UGGT2: variants seen among roughly 807,000 people sequenced by gnomAD.
UGGT2 encodes UDP-glucose:glycoprotein glucosyltransferase 2.
In UGGT2, 180 loss-of-function variants were observed where a neutral mutation model predicts 192.1. That is an observed-to-expected ratio of 0.94 (90% CI 0.83 to 1.06). UGGT2 has a LOEUF of 1.06. UGGT2 is among the 50% of genes least tolerant of loss of function. The pLI, the probability that UGGT2 is intolerant of heterozygous loss-of-function variation, is 0.00. For synonymous variants in UGGT2, 580 were observed against 591.0 expected, an observed-to-expected ratio of 0.98 and a Z score of 0.27; for missense variants, 1,849 against 1,795.7, an observed-to-expected ratio of 1.03 and a Z score of -0.54.
At chr13:95,947,321 T>A (rs1465601825) in intron 14 of UGGT2, 149 bp from the exon 15 acceptor site, 19 of 785,618 alleles carry the variant, frequency 2.4e-5, no homozygotes, top group Non-Finnish European at 3.4e-5. Context: ...TTCAAAAGTT[T>A]GAATGTAATG....
chr13:95,846,038 G>A (rs1406752809), intron 36 of UGGT2, among the ~76,000 whole-genome samples: 2 of 152,184 alleles, frequency 1.3e-5, no homozygotes, highest in Non-Finnish European at 2.9e-5. Context: ...CCAGGCAGAG[G>A]CTGCAATCTC....
rs201552913 is a variant in UGGT2 at position 96,013,403 on chromosome 13, G to A, written c.564C>T (p.Ala188=). The change falls in exon 5 of 39, where the codon GCC becomes GCT. Residue 188 remains alanine, a synonymous_variant. Coordinates refer to ENST00000376747, the MANE Select transcript of UGGT2 (RefSeq NM_020121.4). ...CACTAAATGTTCTAGTACCCATTTC[G>A]GCATAGAGAATCACCACTGGTAAGT... ...KENLPVVILY[A]EMGTRTFSAF... is the part of the protein sequence containing the mutation. 29 of 1,606,996 alleles carry A rather than the reference G, an allele frequency of 1.8e-5. No homozygotes were observed. In the South Asian group the frequency reaches 2.2e-4, roughly 12 times the overall value.
At chr13:95,831,381 C>T (rs1443783912) in intron 38 of UGGT2, among the ~76,000 whole-genome samples, 9 of 152,136 alleles carry the variant, frequency 5.9e-5, no homozygotes, top group South Asian at 2.1e-4. Flanking sequence ...TTAATGGAAA[C>T]GAGATCAATT....
chr13:95,883,959 T>C (rs2047567006), intron 27 of UGGT2, among the ~76,000 whole-genome samples: 1 of 148,442 alleles, frequency 6.7e-6, no homozygotes, highest in Admixed American at 6.8e-5. Flanking sequence ...ATACCGGGGG[T>C]GATGAGAAGC....
chr13:95,911,732 T>A (rs1183050782), intron 20 of UGGT2, among the ~76,000 whole-genome samples: 2 of 152,106 alleles, frequency 1.3e-5, no homozygotes, highest in Non-Finnish European at 2.9e-5. Context: ...CTAACTCAAC[T>A]TATGAGGCCA....
chr13:95,808,165 A>G (rs1884412190), intron 38 of UGGT2, among the ~76,000 whole-genome samples: 1 of 152,192 alleles, frequency 6.6e-6, no homozygotes, highest in Non-Finnish European at 1.5e-5. Context: ...TCTCAGGGAC[A>G]AAAGCATTGA....
intron 38 of UGGT2, among the ~76,000 whole-genome samples, chr13:95,818,257 G>C (rs1885118490): frequency 6.6e-6 from 1 of 152,194 alleles, no homozygotes; most frequent in Admixed American, 6.5e-5. Context: ...AGGATGCAAT[G>C]AGCCATGACT....
intron 8 of UGGT2, among the ~76,000 whole-genome samples, chr13:95,987,899 A>G (rs2051339994): frequency 6.6e-6 from 1 of 152,136 alleles, no homozygotes; most frequent in Admixed American, 6.6e-5. Flanking sequence ...AACTGCATCA[A>G]TAAGCTCCCT....
intron 38 of UGGT2, among the ~76,000 whole-genome samples, chr13:95,808,724 C>T (rs768043439): frequency 1.3e-5 from 2 of 152,150 alleles, no homozygotes; most frequent in African/African-American, 2.4e-5. Context: ...CTGTTAAATA[C>T]GTCCTACCAA....
Position 95,893,266 on chromosome 13 carries a change from T to G in UGGT2, c.2855+1296A>C, listed in dbSNP as rs571435666. Among the ~76,000 whole-genome samples the G allele has an allele frequency of 7.9e-5, 12 of 152,268 alleles. No homozygotes were observed. The South Asian group carries it at 1.9e-3, about 24-fold the overall frequency. ...AATAACGGATTTATAACAAGTGTTTTAACATATTTAATTATAAAATGACTC... is the reference window on the plus strand; with the variant it reads ...AATAACGGATTTATAACAAGTGTTTGAACATATTTAATTATAAAATGACTC... On this transcript the variant is annotated intron_variant, in intron 24 of 38. Coordinates refer to ENST00000376747, the MANE Select transcript of UGGT2 (RefSeq NM_020121.4).
At chr13:95,932,349 G>GTGTGTGTGTGTGTA (rs1265510232) in intron 17 of UGGT2, among the ~76,000 whole-genome samples, 1 of 146,530 alleles carries the variant, frequency 6.8e-6, no homozygotes, top group Non-Finnish European at 1.5e-5. Context: ...GTGTGTGTGT[G>GTGTGTGTGTGTGTA]TGTATGGCTA....
At chr13:95,928,347 C>G (rs1478665199) in intron 17 of UGGT2, among the ~76,000 whole-genome samples, 1 of 151,756 alleles carries the variant, frequency 6.6e-6, no homozygotes. Flanking sequence ...GGCTGCCCCC[C>G]ACCTCCCGGA....
At chr13:95,831,436 C>T (rs186477003) in intron 38 of UGGT2, among the ~76,000 whole-genome samples, 1 of 151,940 alleles carries the variant, frequency 6.6e-6, no homozygotes, top group African/African-American at 2.4e-5. Context: ...AAATATGCTG[C>T]CAGCACAAAT....
intron 20 of UGGT2, among the ~76,000 whole-genome samples, chr13:95,913,583 A>C (rs928382693): frequency 1.2e-4 from 18 of 152,312 alleles, no homozygotes; most frequent in South Asian, 1.0e-3. Flanking sequence ...AAAGTCAGGA[A>C]ACAACAGATG....
chr13:96,026,318 T>C (rs2052663277), intron 2 of UGGT2, among the ~76,000 whole-genome samples: 1 of 152,150 alleles, frequency 6.6e-6, no homozygotes, highest in African/African-American at 2.4e-5. Context: ...GAGCAAACTT[T>C]ATATAACCAA....
chr13:95,924,984 CTG>C (rs1288967448), intron 20 of UGGT2, among the ~76,000 whole-genome samples: 5 of 152,268 alleles, frequency 3.3e-5, no homozygotes, highest in African/African-American at 1.2e-4. Flanking sequence ...ACCTCAGAAA[CTG>C]TTAAGATAAA....
Position 95,860,849 on chromosome 13 carries a change from C to T in UGGT2, c.3679G>A (p.Glu1227Lys). 6.4e-7 allele frequency: 1 copy of T among 1,561,040 alleles called. No individual in the cohort carries two copies. Among genetic ancestry groups the T allele is most frequent in the Non-Finnish European group, 8.7e-7 (1 of 1,155,400 alleles). Residue 1227 changes from glutamate to lysine, a missense_variant, in exon 32 of 39, where the codon GAA (glutamate) becomes AAA (lysine). By Grantham distance (56) the Glu-to-Lys change is moderately conservative. Transcript: ENST00000376747. ...TVSLHKENKK[E>K]KDVLNIFSVA... ...GAAAAAATGTTTAGGACATCTTTTTCCTTTTTGTTTTCTTTATGCAAGCTT... is the reference window on the plus strand; with the variant it reads ...GAAAAAATGTTTAGGACATCTTTTTTCTTTTTGTTTTCTTTATGCAAGCTT...
At chr13:95,925,832 G>C in intron 19 of UGGT2, 58 bp from the exon 20 acceptor site, 1 of 1,229,148 alleles carries the variant, frequency 8.1e-7, no homozygotes, top group East Asian at 2.6e-5. Flanking sequence ...TAAAACAAAA[G>C]CAGGGGAACA....
intron 24 of UGGT2, among the ~76,000 whole-genome samples, chr13:95,891,736 A>G (rs187656337): frequency 9.2e-4 from 140 of 152,272 alleles, no homozygotes; most frequent in African/African-American, 3.3e-3. Context: ...TACATTTTAC[A>G]TATTACAAAG....
Sources: allele counts gnomAD v4.1 joint callset (sites outside exome capture counted in the v4.1 genomes callset), GRCh38; gene constraint gnomAD v4.1.1; transcripts MANE v1.5; gene names NCBI Gene and HGNC (gene_info 2026-07-23, HGNC 2026-07-21).